YPEL2: variants seen among roughly 807,000 people sequenced by gnomAD.
YPEL2 encodes yippee like 2, also known as protein yippee-like 2.
A neutral mutation model predicts 19.1 loss-of-function variants in YPEL2; 2 were observed. The observed-to-expected ratio is 0.10, with a 90% CI of 0.04 to 0.33. The LOEUF (loss-of-function observed/expected upper bound fraction) is 0.33. Ranked by LOEUF, YPEL2 falls within the 10% of genes least tolerant of loss-of-function variation. The pLI, the probability that YPEL2 is intolerant of heterozygous loss-of-function variation, is 1.00. For missense variants in YPEL2, 66 were observed against 140.7 expected (o/e 0.47, Z 2.68); for synonymous variants, 52 against 50.0 (o/e 1.04, Z -0.17).
intron 2 of YPEL2, among the ~76,000 whole-genome samples, chr17:59,383,473 C>T (rs1190994020): frequency 7.0e-6 from 1 of 142,414 alleles, no homozygotes; most frequent in East Asian, 2.2e-4. Context: ...TGGTGGGTGC[C>T]TGTAGTCCCA....
intron 3 of YPEL2, among the ~76,000 whole-genome samples, chr17:59,388,684 A>G (rs1171632992): frequency 6.6e-6 from 1 of 152,174 alleles, no homozygotes; most frequent in Non-Finnish European, 1.5e-5. Flanking sequence ...GAGATTTGTC[A>G]CTGGGGAAGA....
intron 2 of YPEL2, among the ~76,000 whole-genome samples, chr17:59,367,417 A>G (rs1177108928): frequency 6.6e-6 from 1 of 152,316 alleles, no homozygotes; most frequent in South Asian, 2.1e-4. Flanking sequence ...AACTTTTTCT[A>G]TAAAGGCCAG....
chr17:59,393,122 TGTGTCTCG>T (rs1394212938), intron 4 of YPEL2, among the ~76,000 whole-genome samples: 1 of 152,212 alleles, frequency 6.6e-6, no homozygotes, highest in African/African-American at 2.4e-5. Context: ...CAAATGCCTC[TGTGTCTCG>T]GGGCTATTGA....
intron 4 of YPEL2, among the ~76,000 whole-genome samples, chr17:59,396,437 C>T (rs2048039691): frequency 6.6e-6 from 1 of 152,064 alleles, no homozygotes; most frequent in Non-Finnish European, 1.5e-5. Context: ...AAAACTAAAG[C>T]AGGGGTTGGG....
intron 2 of YPEL2, among the ~76,000 whole-genome samples, chr17:59,382,239 C>T (rs1456409274): frequency 2.0e-5 from 3 of 152,238 alleles, no homozygotes; most frequent in South Asian, 2.1e-4. Context: ...CCAGGACAGC[C>T]CTGAGGGGGT....
intron 2 of YPEL2, among the ~76,000 whole-genome samples, chr17:59,366,850 A>T (rs1212429196): frequency 6.6e-6 from 1 of 152,124 alleles, no homozygotes; most frequent in Non-Finnish European, 1.5e-5. Context: ...ATATTTCTTG[A>T]TTCTTCCCGC....
At position 59,353,432 on chromosome 17, in the gene YPEL2, A is replaced by G. The variant is rs925729198; in HGVS notation, c.23A>G (p.Lys8Arg). The G allele has an allele frequency of 5.0e-6, 8 of 1,602,054 alleles. No homozygotes were observed. Among genetic ancestry groups the G allele is most frequent in the Non-Finnish European group, 6.8e-6 (8 of 1,173,402 alleles). Residue 8 changes from lysine to arginine, a missense_variant, in exon 2 of 5, where the codon AAG becomes AGG. Lys to Arg is a conservative substitution (Grantham distance 26, BLOSUM62 2). Transcript: ENST00000312655. This position sits in a 1 kb window ranked among gnomAD's most constrained non-coding sequence, Gnocchi z 4.8. ...CCAATGGTGAAGATGACAAGATCGA[A>G]GACTTTCCAGGCATATCTGCCCTCC... MVKMTRS[K>R]TFQAYLPSCH...
At chr17:59,394,800 T>C (rs572765032) in intron 4 of YPEL2, among the ~76,000 whole-genome samples, 3 of 152,312 alleles carry the variant, frequency 2.0e-5, no homozygotes, top group East Asian at 1.9e-4. Flanking sequence ...CTGGGCACCA[T>C]TGAGCACTGA....
intron 1 of YPEL2, among the ~76,000 whole-genome samples, chr17:59,339,191 C>A (rs1273674516): frequency 6.6e-6 from 1 of 151,682 alleles, no homozygotes; most frequent in Non-Finnish European, 1.5e-5. Flanking sequence ...TACATTGACC[C>A]ATTGCCAAAT....
chr17:59,372,877 T>C (rs1280328919), intron 2 of YPEL2, among the ~76,000 whole-genome samples: 1 of 152,164 alleles, frequency 6.6e-6, no homozygotes, highest in African/African-American at 2.4e-5. Context: ...TGTAGTGTTG[T>C]TATTATTATT....
At chr17:59,393,993 A>G (rs1444820886) in intron 4 of YPEL2, among the ~76,000 whole-genome samples, 1 of 152,162 alleles carries the variant, frequency 6.6e-6, no homozygotes, top group East Asian at 1.9e-4. Context: ...CAAAACCGCC[A>G]TTGTCATCAT....
intron 4 of YPEL2, among the ~76,000 whole-genome samples, chr17:59,391,365 T>C (rs1030006522): frequency 6.6e-6 from 1 of 152,186 alleles, no homozygotes; most frequent in African/African-American, 2.4e-5. Flanking sequence ...CTCTGTACTT[T>C]CTGCTCAATT....
chr17:59,370,129 T>C (rs989749969), intron 2 of YPEL2, among the ~76,000 whole-genome samples: 31 of 152,234 alleles, frequency 2.0e-4, no homozygotes, highest in African/African-American at 7.2e-4. Flanking sequence ...CGATCTGGGC[T>C]CACTGCAAGC....
chr17:59,345,463 A>G (rs2047751332), intron 1 of YPEL2, among the ~76,000 whole-genome samples: 1 of 152,118 alleles, frequency 6.6e-6, no homozygotes, highest in Non-Finnish European at 1.5e-5. Flanking sequence ...CAGCTTTAAT[A>G]GACGATTTTC....
At chr17:59,333,367 A>G (rs963600000) in intron 1 of YPEL2, among the ~76,000 whole-genome samples, 19 of 152,224 alleles carry the variant, frequency 1.2e-4, no homozygotes, top group Admixed American at 3.9e-4. Context: ...TTAGCATTCA[A>G]TGACAGCATT....
At chr17:59,392,043 C>T (rs796220977) in intron 4 of YPEL2, among the ~76,000 whole-genome samples, 18 of 152,210 alleles carry the variant, frequency 1.2e-4, no homozygotes, top group African/African-American at 4.1e-4. Flanking sequence ...AGTCACGGGC[C>T]CCCTCTGGGT....
In YPEL2 at chr17:59,388,282, G is replaced by C. The variant is rs115228294; in HGVS notation, c.118-45G>C. The C allele has an allele frequency of 4.7e-4, 750 of 1,608,282 alleles. 1 individual carries two copies. In the African/African-American group the frequency reaches 8.8e-3, roughly 19 times the overall value. The stretch of plus-strand genomic sequence containing the variant: ...TTGGGGTTGGTTTCCCAAACAGATA[G>C]GTGAAATGGATGTCTAACTATCGAT... On this transcript the variant is annotated intron_variant, in intron 2 of 4. Coordinates refer to ENST00000312655, the MANE Select transcript of YPEL2 (RefSeq NM_001005404.4).
chr17:59,370,965 C>T (rs1298843253), intron 2 of YPEL2, among the ~76,000 whole-genome samples: 1 of 151,940 alleles, frequency 6.6e-6, no homozygotes, highest in Admixed American at 6.6e-5. Context: ...TTTATTTTCC[C>T]CAGGAGCATG....
chr17:59,352,940 G>T (rs963856302), intron 1 of YPEL2, among the ~76,000 whole-genome samples: 2 of 152,120 alleles, frequency 1.3e-5, no homozygotes, highest in African/African-American at 4.8e-5. Flanking sequence ...GTTATCTAGG[G>T]CTGCCTGGGA....
Sources: allele counts gnomAD v4.1 joint callset (sites outside exome capture counted in the v4.1 genomes callset), GRCh38; gene constraint gnomAD v4.1.1; non-coding constraint Gnocchi (gnomAD v3.1); transcripts MANE v1.5; gene names NCBI Gene and HGNC (gene_info 2026-07-23, HGNC 2026-07-21).